LATS1: variants seen among roughly 807,000 people sequenced by gnomAD.
The protein encoded by LATS1 is large tumor suppressor kinase 1, also known as serine/threonine-protein kinase LATS1.
In LATS1, 25 loss-of-function variants were observed where a neutral mutation model predicts 106.6. That is an observed-to-expected ratio of 0.23 (90% CI 0.17 to 0.33). The LOEUF (loss-of-function observed/expected upper bound fraction) is 0.33. Among genes scored for constraint, LATS1 ranks in the 10% least tolerant of loss-of-function variants. The pLI is 1.00. For synonymous variants in LATS1, 465 were observed against 455.6 expected (o/e 1.02, Z -0.26); for missense variants, 1,040 against 1,382.6 (o/e 0.75, Z 3.93).
chr6:149,666,084 G>A (rs753641724), intron 7 of LATS1, among the ~76,000 whole-genome samples: 6 of 138,392 alleles, frequency 4.3e-5, no homozygotes, highest in African/African-American at 8.5e-5. Flanking sequence ...GTAGTGAGCC[G>A]AGATCGCACC....
At chr6:149,691,065 C>T (rs1478208195) in intron 3 of LATS1, among the ~76,000 whole-genome samples, 3 of 152,108 alleles carry the variant, frequency 2.0e-5, no homozygotes, top group African/African-American at 7.2e-5. Context: ...ATTATGCTCC[C>T]AGGACATGAC....
chr6:149,671,164 G>T (rs1016243855), intron 7 of LATS1, among the ~76,000 whole-genome samples: 1 of 151,594 alleles, frequency 6.6e-6, no homozygotes, highest in Non-Finnish European at 1.5e-5. Flanking sequence ...ACAGAGTCTC[G>T]CTCTGTCATC....
chr6:149,668,467 G>A (rs1184455087), intron 7 of LATS1, among the ~76,000 whole-genome samples: 3 of 150,904 alleles, frequency 2.0e-5, no homozygotes, highest in Admixed American at 6.6e-5. Flanking sequence ...TAAGAGACAG[G>A]GTCTCATTCT....
rs1047345979 is a variant in LATS1, at chr6:149,661,724, G to A, written c.*5C>T. The A allele has an allele frequency of 2.6e-6, 4 of 1,528,150 alleles. No homozygotes were observed. The highest frequency in any genetic ancestry group is 1.9e-4 in the Middle Eastern group (1 of 5,340). The allele number at this position is 1,528,150 out of a possible 1,614,324, so 94.7% of individuals were successfully genotyped here. A position where few individuals can be genotyped will look rare whatever the true frequency, so the allele number is the denominator to read the frequency against. ...AAATCCTCATTACATTTATTTACTAGTGTGTTAAACATATACTAGATCGCG... is the reference window on the plus strand; with the variant it reads ...AAATCCTCATTACATTTATTTACTAATGTGTTAAACATATACTAGATCGCG... On this transcript the variant is annotated 3_prime_UTR_variant, in exon 8 of 8. Coordinates refer to ENST00000543571, the MANE Select transcript of LATS1 (RefSeq NM_004690.4).
chr6:149,685,334 G>A (rs1429594670), intron 3 of LATS1, among the ~76,000 whole-genome samples: 1 of 152,008 alleles, frequency 6.6e-6, no homozygotes, highest in African/African-American at 2.4e-5. Context: ...TTAGGCCAAA[G>A]GGCGTATCTA....
chr6:149,658,239 C>G lies in LATS1; in HGVS notation c.*3490G>C, dbSNP rs1226747230. ...AAAATACAAATAAGTTCATTAAAAA[C>G]ACAGGCTGATTATTCATATCTATTA... On this transcript the variant is annotated 3_prime_UTR_variant, in exon 8 of 8. Coordinates refer to ENST00000543571, the MANE Select transcript of LATS1 (RefSeq NM_004690.4). 6.6e-6 allele frequency: 1 copy of G among 152,032 alleles called. No individual in the cohort carries two copies. The highest frequency in any genetic ancestry group is 1.5e-5 in the Non-Finnish European group (1 of 67,978). 9.4% of individuals were successfully genotyped at this position (152,032 alleles called of 1,614,324 possible).
chr6:149,676,311 C>G lies in LATS1; in HGVS notation c.2832G>C (p.Leu944Phe). The G allele has an allele frequency of 6.2e-7, 1 of 1,613,678 alleles. No individual in the cohort carries two copies. The change falls in exon 7 of 8, where the codon TTG becomes TTC. Residue 944 changes from leucine (L) to phenylalanine (F), a missense_variant. Leu to Phe is a conservative substitution (Grantham distance 22). Around this residue, in one of 7 missense-constraint regions of LATS1, gnomAD observed 23 missense variants for 56.9 expected, o/e 0.40. Coordinates refer to ENST00000543571, the MANE Select transcript of LATS1 (RefSeq NM_004690.4). The part of the protein sequence containing the change: ...WSVGVILFEM[L>F]VGQPPFLAQT... ...GTGCCAAGAAAGGAGGTTGTCCCAC[C>G]AACATTTCAAAAAGAATAACACCAA...
chr6:149,671,993 A>G (rs888993329), intron 7 of LATS1, among the ~76,000 whole-genome samples: 2 of 151,062 alleles, frequency 1.3e-5, no homozygotes, highest in African/African-American at 4.9e-5. Context: ...GATTCAAGCT[A>G]TTTTCCTGTC....
chr6:149,697,520 CATT>C (rs1783170093), intron 2 of LATS1, among the ~76,000 whole-genome samples: 1 of 151,996 alleles, frequency 6.6e-6, no homozygotes, highest in Non-Finnish European at 1.5e-5. Context: ...TTGCTAAAAG[CATT>C]ATTATTTAGA....
chr6:149,687,435 CTTATT>C (rs1782452363), intron 3 of LATS1, among the ~76,000 whole-genome samples: 1 of 151,028 alleles, frequency 6.6e-6, no homozygotes, highest in Non-Finnish European at 1.5e-5. Context: ...CCTCCTTTTT[CTTATT>C]TTTATTCTTT....
At chr6:149,709,331 A>T (rs1215529202) in intron 1 of LATS1, among the ~76,000 whole-genome samples, 1 of 152,202 alleles carries the variant, frequency 6.6e-6, no homozygotes, top group Non-Finnish European at 1.5e-5. Context: ...GCATAGTATC[A>T]CATGACAGAT....
intron 3 of LATS1, among the ~76,000 whole-genome samples, chr6:149,690,405 G>A (rs1333515713): frequency 1.3e-5 from 2 of 151,536 alleles, no homozygotes; most frequent in Non-Finnish European, 2.9e-5. Context: ...TAGACACGGG[G>A]TTTCTCCATG....
At position 149,671,578 on chromosome 6, in the gene LATS1, T is replaced by C. The variant is rs558480883; in HGVS notation, c.2883+4682A>G. Among the ~76,000 whole-genome samples the C allele has an allele frequency of 2.4e-4, 37 of 152,172 alleles. 1 individual carries two copies. The highest frequency in any genetic ancestry group is 6.8e-4 in the African/African-American group (28 of 41,432). On this transcript the variant is annotated intron_variant, in intron 7 of 7. Coordinates refer to ENST00000543571, the MANE Select transcript of LATS1 (RefSeq NM_004690.4). The stretch of plus-strand genomic sequence containing the variant: ...TGTCTGCATTCTATATTCTCTTCCA[T>C]TGATCTAAGTGTGTATCTGTTTGCC...
At chr6:149,662,336 A>T (rs1780921807) in intron 7 of LATS1, 98 bp from the exon 8 acceptor site, 1 of 1,042,354 alleles carries the variant, frequency 9.6e-7, no homozygotes. Flanking sequence ...CTATTTTTGT[A>T]TTTTAAATAA....
chr6:149,678,907 TTA>T (rs1582865897), intron 5 of LATS1, among the ~76,000 whole-genome samples: 1 of 152,160 alleles, frequency 6.6e-6, no homozygotes, highest in African/African-American at 2.4e-5. Context: ...GTGTTTAGGG[TTA>T]TATAAGTTGT....
chr6:149,683,968 G>A lies in LATS1; in HGVS notation c.1121C>T (p.Pro374Leu), dbSNP rs1562333786. ...PAGTVNRQPP[P>L]PYPLTAANGQ... is the part of the protein sequence containing the mutation. ...ATTAGCTGCTGTCAGAGGATATGGAGGTGGTGGCTGCCGATTCACAGTGCC... is the reference window on the plus strand; with the variant it reads ...ATTAGCTGCTGTCAGAGGATATGGAAGTGGTGGCTGCCGATTCACAGTGCC... The change falls in exon 4 of 8, where the codon CCT becomes CTT. Residue 374 changes from proline to leucine, a missense_variant. Physicochemically the swap from Pro to Leu is moderately conservative, Grantham distance 98. Coordinates refer to ENST00000543571, the MANE Select transcript of LATS1 (RefSeq NM_004690.4). 5.6e-6 allele frequency: 9 copies of A among 1,614,234 alleles called. No homozygotes were observed. Among genetic ancestry groups the A allele is most frequent in the Non-Finnish European group, 5.9e-6 (7 of 1,180,046 alleles).
intron 2 of LATS1, among the ~76,000 whole-genome samples, chr6:149,698,822 A>G (rs1404237218): frequency 6.6e-6 from 1 of 152,058 alleles, no homozygotes; most frequent in African/African-American, 2.4e-5. Context: ...TTGGCCTCCC[A>G]AAGTGCTAGG....
At chr6:149,668,150 C>T (rs926057673) in intron 7 of LATS1, among the ~76,000 whole-genome samples, 2 of 152,170 alleles carry the variant, frequency 1.3e-5, no homozygotes, top group Non-Finnish European at 2.9e-5. Flanking sequence ...AACTCCTGAC[C>T]TCAGGTGATC....
At chr6:149,712,425 C>T (rs1320610423) in intron 1 of LATS1, among the ~76,000 whole-genome samples, 6 of 152,056 alleles carry the variant, frequency 3.9e-5, no homozygotes, top group South Asian at 2.1e-4. Context: ...CTCGAACTCC[C>T]GACCTCAGGT....
Sources: gnomAD v4.1 joint callset for allele counts (sites outside exome capture counted in the v4.1 genomes callset) on GRCh38, gnomAD v4.1.1 for gene constraint, gnomAD v4.1.1 regional missense constraint, MANE v1.5 for transcripts, NCBI Gene and HGNC (gene_info 2026-07-23, HGNC 2026-07-21) for gene names.